Variants in GULP1 observed in about 807,000 individuals in gnomAD.
The protein encoded by GULP1 is PTB domain-containing engulfment adapter protein 1.
GULP1 carries 19 observed loss-of-function variants against 40.9 expected under a neutral mutation model. The observed-to-expected ratio is 0.46, with a 90% CI of 0.32 to 0.68. The LOEUF is 0.68. GULP1 is among the 30% of genes least tolerant of loss of function. GULP1 has a pLI of 0.03. For synonymous variants in GULP1, 119 were observed against 117.6 expected, an observed-to-expected ratio of 1.01 and a Z score of -0.08; for missense variants, 312 against 362.2, an observed-to-expected ratio of 0.86 and a Z score of 1.12.
chr2:188,393,237 G>C (rs1485977449), intron 2 of GULP1, among the ~76,000 whole-genome samples: 2 of 151,884 alleles, frequency 1.3e-5, no homozygotes, highest in Non-Finnish European at 2.9e-5. Flanking sequence ...TTAGTAGTAA[G>C]TATTTTTAAA....
At chr2:188,337,950 A>G (rs1425784619) in intron 1 of GULP1, among the ~76,000 whole-genome samples, 1 of 151,952 alleles carries the variant, frequency 6.6e-6, no homozygotes, top group African/African-American at 2.4e-5. Flanking sequence ...ATTAATTCCA[A>G]CTCTAAATTC....
chr2:188,548,149 A>G (rs1165074614), intron 7 of GULP1, among the ~76,000 whole-genome samples: 1 of 152,128 alleles, frequency 6.6e-6, no homozygotes, highest in Admixed American at 6.6e-5. Context: ...AAAAAAGCAT[A>G]TAATAAATTT....
intron 2 of GULP1, among the ~76,000 whole-genome samples, chr2:188,432,460 A>G (rs565666427): frequency 2.6e-5 from 4 of 151,996 alleles, no homozygotes; most frequent in Admixed American, 2.0e-4. Flanking sequence ...GGTTAAATAT[A>G]TGGTTTTTAA....
At chr2:188,341,130 A>G (rs1157442389) in intron 1 of GULP1, among the ~76,000 whole-genome samples, 1 of 152,126 alleles carries the variant, frequency 6.6e-6, no homozygotes. Context: ...GGGCTTCACC[A>G]GGGACCCTGA....
Position 188,477,724 on chromosome 2 carries a change from A to C in GULP1, c.22A>C (p.Lys8Gln). ...CATCATGAACCGTGCTTTTAGCAGG[A>C]AGAAAGGTAAGTGTGGTCATTTTTT... is the stretch of plus-strand genomic sequence containing the variant. MNRAFSR[K>Q]KDKTWMHTPE... is the part of the protein sequence containing the mutation. The change falls in exon 3 of 12, where the codon AAG (lysine) becomes CAG (glutamine). Residue 8 changes from lysine (K) to glutamine (Q), a missense_variant. Physicochemically the swap from Lys to Gln is moderately conservative, Grantham distance 53 (BLOSUM62 1). Transcript: ENST00000409830. 1 of 1,601,008 alleles carries C rather than the reference A, an allele frequency of 6.2e-7. No individual in the cohort carries two copies. Among genetic ancestry groups the C allele is most frequent in the Non-Finnish European group, 8.5e-7 (1 of 1,173,714 alleles).
intron 2 of GULP1, among the ~76,000 whole-genome samples, chr2:188,402,757 C>T (rs2052491184): frequency 6.6e-6 from 1 of 151,816 alleles, no homozygotes. Flanking sequence ...TTTCTAAATT[C>T]CTGAGTGAGT....
intron 2 of GULP1, among the ~76,000 whole-genome samples, chr2:188,423,683 T>C (rs955493774): frequency 2.6e-5 from 4 of 151,822 alleles, no homozygotes; most frequent in African/African-American, 9.7e-5. Flanking sequence ...ATAAAGGGTT[T>C]ATTGTGAAAA....
intron 1 of GULP1, among the ~76,000 whole-genome samples, chr2:188,361,421 A>AAG (rs143546797): frequency 3.1e-4 from 46 of 150,478 alleles, no homozygotes; most frequent in African/African-American, 9.0e-4. Context: ...GGCAGGAGAG[A>AAG]AGAGAGAGAG....
chr2:188,430,693 A>G (rs146313179), intron 2 of GULP1, among the ~76,000 whole-genome samples: 9 of 152,334 alleles, frequency 5.9e-5, no homozygotes, highest in African/African-American at 2.2e-4. Context: ...CATAGAAACT[A>G]GAACCTCTTT....
chr2:188,393,634 T>G (rs1574965827), intron 2 of GULP1, among the ~76,000 whole-genome samples: 1 of 152,118 alleles, frequency 6.6e-6, no homozygotes, highest in Admixed American at 6.5e-5. Context: ...ACCTAGATAC[T>G]TTGTTTTCTT....
Position 188,505,734 on chromosome 2 carries a change from G to A in GULP1, c.91-17022G>A, listed in dbSNP as rs140111190. ...CAACCAAGAAGTTAAATGATTTGCT[G>A]TAAACTCTTTCTGTCTGTTGAACTG... On this transcript the variant is annotated intron_variant, in intron 4 of 11. Transcript: ENST00000409830. Among the ~76,000 whole-genome samples the A allele has an allele frequency of 9.2e-4, 139 of 151,912 alleles. 2 individuals carry two copies. The East Asian group carries it at 0.022, about 24-fold the overall frequency.
chr2:188,374,515 A>G (rs530434405), intron 1 of GULP1, among the ~76,000 whole-genome samples: 1 of 152,282 alleles, frequency 6.6e-6, no homozygotes, highest in African/African-American at 2.4e-5. Flanking sequence ...ATTTTAAGGC[A>G]AGAAACATGA....
At chr2:188,360,796 A>G (rs559905965) in intron 1 of GULP1, among the ~76,000 whole-genome samples, 34 of 152,242 alleles carry the variant, frequency 2.2e-4, no homozygotes, top group African/African-American at 8.2e-4. Context: ...TGCCTTTTAG[A>G]AATTTTATTG....
intron 2 of GULP1, among the ~76,000 whole-genome samples, chr2:188,439,167 A>C (rs2057703356): frequency 6.6e-6 from 1 of 152,084 alleles, no homozygotes; most frequent in African/African-American, 2.4e-5. Context: ...TCAACATTCC[A>C]GAGAAAAGTA....
intron 2 of GULP1, among the ~76,000 whole-genome samples, chr2:188,394,774 T>C (rs932730354): frequency 1.3e-5 from 2 of 152,220 alleles, no homozygotes; most frequent in African/African-American, 4.8e-5. Flanking sequence ...AATGCAGCTC[T>C]TGGTGCTTCC....
intron 7 of GULP1, among the ~76,000 whole-genome samples, chr2:188,563,774 T>C (rs1696949459): frequency 6.6e-6 from 1 of 151,908 alleles, no homozygotes; most frequent in South Asian, 2.1e-4. Context: ...TTCCAAATCA[T>C]TTTATGAAGA....
intron 4 of GULP1, among the ~76,000 whole-genome samples, chr2:188,513,063 A>T (rs2064761555): frequency 6.6e-6 from 1 of 152,116 alleles, no homozygotes; most frequent in South Asian, 2.1e-4. Context: ...TAAGTATTCA[A>T]ATACATTGAG....
intron 2 of GULP1, among the ~76,000 whole-genome samples, chr2:188,465,773 C>T (rs1215499470): frequency 2.0e-5 from 3 of 152,076 alleles, no homozygotes; most frequent in African/African-American, 7.2e-5. Flanking sequence ...TCTTACTCTC[C>T]CCAGTGCACA....
intron 2 of GULP1, among the ~76,000 whole-genome samples, chr2:188,402,360 A>C (rs1367381451): frequency 6.6e-6 from 1 of 152,130 alleles, no homozygotes; most frequent in Non-Finnish European, 1.5e-5. Context: ...GAAGCATAAA[A>C]ATTTTATCAT....
Sources: gnomAD v4.1 joint callset for allele counts (sites outside exome capture counted in the v4.1 genomes callset) on GRCh38, gnomAD v4.1.1 for gene constraint, MANE v1.5 for transcripts, NCBI Gene and HGNC (gene_info 2026-07-23, HGNC 2026-07-21) for gene names.